The following TMEM40 variants were observed in gnomAD, a reference collection of about 807,000 sequenced individuals.
The protein encoded by TMEM40 is transmembrane protein 40.
A neutral mutation model predicts 40.8 loss-of-function variants in TMEM40; 34 were observed. The observed-to-expected ratio is 0.83, with a 90% CI of 0.63 to 1.11. The LOEUF is 1.11. Among genes scored for constraint, TMEM40 ranks in the 50% least tolerant of loss-of-function variants. The pLI is 0.00. For missense variants in TMEM40, 296 were observed against 280.2 expected, an observed-to-expected ratio of 1.06 and a Z score of -0.40; for synonymous variants, 106 against 107.0, an observed-to-expected ratio of 0.99 and a Z score of 0.06.
rs145669602 is a variant in TMEM40, at chr3:12,744,300, C to A, written c.212-311G>T. Among the ~76,000 whole-genome samples the A allele has an allele frequency of 3.6e-3, 552 of 152,286 alleles. 3 individuals are homozygous for A. Among genetic ancestry groups the A allele is most frequent in the African/African-American group, 0.012 (516 of 41,558 alleles). ...ATCATAGTACTGAGATGGCTTCCATCCCACCAAGTGCAGGGGCTGTGTCAT... is the reference window on the plus strand; with the variant it reads ...ATCATAGTACTGAGATGGCTTCCATACCACCAAGTGCAGGGGCTGTGTCAT... On this transcript the variant is annotated intron_variant, in intron 3 of 11. Coordinates refer to ENST00000314124, the MANE Select transcript of TMEM40 (RefSeq NM_018306.4).
At chr3:12,735,355 A>T (rs897197409) in intron 11 of TMEM40, among the ~76,000 whole-genome samples, 200 bp downstream of exon 11, 1 of 152,176 alleles carries the variant, frequency 6.6e-6, no homozygotes, top group African/African-American at 2.4e-5. Context: ...GCAGAAAAGT[A>T]TTACACCTAT....
At chr3:12,751,176 T>G (rs951148436) in intron 1 of TMEM40, among the ~76,000 whole-genome samples, 1 of 151,100 alleles carries the variant, frequency 6.6e-6, no homozygotes, top group African/African-American at 2.4e-5. Flanking sequence ...CCATTGTGAA[T>G]GCGTGTTTCC....
At chr3:12,757,297 C>T (rs954912947) in intron 1 of TMEM40, among the ~76,000 whole-genome samples, 1 of 151,824 alleles carries the variant, frequency 6.6e-6, no homozygotes, top group East Asian at 1.9e-4. Flanking sequence ...TGGAGAAACC[C>T]CATCTCTTCT....
At chr3:12,765,247 TCAA>T (rs2061588867) in intron 1 of TMEM40, among the ~76,000 whole-genome samples, 1 of 152,248 alleles carries the variant, frequency 6.6e-6, no homozygotes, top group Non-Finnish European at 1.5e-5. Flanking sequence ...TGATTTGTAC[TCAA>T]CAATCTTATT....
rs1433056271 is a variant in TMEM40 at position 12,736,838 on chromosome 3, G to A, written c.473-3C>T. On this transcript the variant is annotated splice_polypyrimidine_tract_variant and splice_region_variant and intron_variant, in intron 8 of 11. Coordinates refer to ENST00000314124, the MANE Select transcript of TMEM40 (RefSeq NM_018306.4). ...GAGGACGAAATGGAAAAACTCATCT[G>A]TGAAGGCAGGGGTGGGCAATCACTA... 3.1e-6 allele frequency: 5 copies of A among 1,614,138 alleles called. No individual in the cohort carries two copies. Among genetic ancestry groups the A allele is most frequent in the Non-Finnish European group, 4.2e-6 (5 of 1,180,014 alleles).
chr3:12,756,660 G>C (rs1356780630), intron 1 of TMEM40, among the ~76,000 whole-genome samples: 1 of 152,104 alleles, frequency 6.6e-6, no homozygotes, highest in Non-Finnish European at 1.5e-5. Context: ...AAACACCAAA[G>C]CACCAAGGTG....
At chr3:12,753,011 T>G (rs963762104) in intron 1 of TMEM40, among the ~76,000 whole-genome samples, 1 of 152,084 alleles carries the variant, frequency 6.6e-6, no homozygotes. Flanking sequence ...TGGCTTATAT[T>G]TAGCTACTGA....
intron 1 of TMEM40, among the ~76,000 whole-genome samples, chr3:12,755,286 C>CTTTCTTTCTTTCTTT (rs2061518996): frequency 3.3e-5 from 1 of 30,640 alleles, no homozygotes; most frequent in African/African-American, 9.9e-5. Flanking sequence ...TTTCTTTCTT[C>CTTTCTTTCTTTCTTT]TTTTCTAGAG....
At chr3:12,766,228 G>C (rs79836208) in intron 1 of TMEM40, among the ~76,000 whole-genome samples, 6 of 152,138 alleles carry the variant, frequency 3.9e-5, no homozygotes, top group South Asian at 4.2e-4. Flanking sequence ...GCAACTGTTT[G>C]TTGGCCATTT....
chr3:12,768,911 CCGGGGCCGGGGCCGGGGCGGGG>C (rs2061607661), intron 1 of TMEM40, among the ~76,000 whole-genome samples: 1 of 25,630 alleles, frequency 3.9e-5, no homozygotes, highest in African/African-American at 6.8e-5. Context: ...GCAGGGCGGG[CCGGGGCCGGGGCCGGGGCGGGG>C]CGGGGGGGGC....
intron 10 of TMEM40, among the ~76,000 whole-genome samples, chr3:12,736,375 C>T (rs2061337219): frequency 6.6e-6 from 1 of 152,172 alleles, no homozygotes; most frequent in African/African-American, 2.4e-5. Context: ...GTCTCAAACT[C>T]CTAACCTCAG....
At chr3:12,736,084 G>A (rs958532475) in intron 10 of TMEM40, among the ~76,000 whole-genome samples, 1 of 152,014 alleles carries the variant, frequency 6.6e-6, no homozygotes, top group African/African-American at 2.4e-5. Flanking sequence ...TTTTCCCACA[G>A]GGTTTTGCCA....
At chr3:12,742,345 CT>C in intron 5 of TMEM40, 108 bp downstream of exon 5, 1 of 1,325,478 alleles carries the variant, frequency 7.5e-7, no homozygotes, top group Non-Finnish European at 1.1e-6. Flanking sequence ...CTGTATTTGG[CT>C]GGGACTTTTC....
At position 12,766,543 on chromosome 3, in the gene TMEM40, CGA is replaced by C. The variant is rs1464396478; in HGVS notation, c.-9+2706_-9+2707del. On this transcript the variant is annotated intron_variant, in intron 1 of 11. Transcript: ENST00000264728. ...CCAGGAGGTGGAGCTTGCAGTGAGC[CGA>C]GATTGTGCCACTGCACTCCAGCCTG... 2.2e-4 allele frequency among the ~76,000 whole-genome samples: 33 copies of C among 149,634 alleles called. No homozygotes were observed. The Admixed American group carries it at 2.2e-3, about 10-fold the overall frequency.
chr3:12,735,647 A>T lies in TMEM40; in HGVS notation c.620-30T>A, dbSNP rs528452109. ...TCAGAAGCAAAGAAAAAAGTAAGTT[A>T]AGTTTGTGCCCCAACAAGGGACACC... On this transcript the variant is annotated intron_variant, in intron 10 of 11. Transcript: ENST00000314124. The T allele has an allele frequency of 1.9e-6, 3 of 1,604,260 alleles. No homozygotes were observed. In the East Asian group the frequency reaches 6.7e-5, roughly 36 times the overall value.
intron 8 of TMEM40, 100 bp downstream of exon 8, chr3:12,737,607 G>C: frequency 1.9e-6 from 2 of 1,068,878 alleles, no homozygotes; most frequent in Non-Finnish European, 2.9e-6. Flanking sequence ...CACGACAGAG[G>C]TGGGCTATGA....
chr3:12,753,147 T>C (rs977734253), intron 1 of TMEM40, among the ~76,000 whole-genome samples: 1 of 152,012 alleles, frequency 6.6e-6, no homozygotes, highest in Non-Finnish European at 1.5e-5. Context: ...CTCCTTTCAA[T>C]GTCCTTGTCT....
chr3:12,768,925 G>A (rs1468998399), intron 1 of TMEM40, among the ~76,000 whole-genome samples: 1 of 101,700 alleles, frequency 9.8e-6, no homozygotes, highest in Non-Finnish European at 2.1e-5. Flanking sequence ...GGCCGGGGCC[G>A]GGGCGGGGCG....
At chr3:12,740,760 A>T (rs1317268919) in intron 5 of TMEM40, among the ~76,000 whole-genome samples, 3 of 152,040 alleles carry the variant, frequency 2.0e-5, no homozygotes, top group Non-Finnish European at 4.4e-5. Flanking sequence ...CAGGAGGCTA[A>T]GGTAGGAGAA....
Sources: allele counts gnomAD v4.1 joint callset (sites outside exome capture counted in the v4.1 genomes callset), GRCh38; gene constraint gnomAD v4.1.1; transcripts MANE v1.5; gene names NCBI Gene and HGNC (gene_info 2026-07-23, HGNC 2026-07-21).